The following AGMO variants were observed in gnomAD, a reference collection of about 807,000 sequenced individuals.
AGMO encodes glyceryl-ether monooxygenase.
A neutral mutation model predicts 60.2 loss-of-function variants in AGMO; 75 were observed. That is an observed-to-expected ratio of 1.25 (90% CI 1.03 to 1.51). The LOEUF (loss-of-function observed/expected upper bound fraction) is 1.51, where lower values mean the gene tolerates loss of function less well. Among genes scored for constraint, AGMO ranks in the 40% most tolerant of loss-of-function variants. The probability of loss-of-function intolerance (pLI) is 0.00; values close to 1 mark genes in which losing one functional copy is unlikely to be tolerated. For synonymous variants in AGMO, 261 were observed against 177.1 expected, an observed-to-expected ratio of 1.47 and a Z score of -3.76; for missense variants, 763 against 525.5, an observed-to-expected ratio of 1.45 and a Z score of -4.42.
chr7:15,363,204 G>C (rs1349184988), intron 12 of AGMO, among the ~76,000 whole-genome samples: 1 of 152,192 alleles, frequency 6.6e-6, no homozygotes, highest in Non-Finnish European at 1.5e-5. Flanking sequence ...AGAATTCATA[G>C]CACTGACTTT....
chr7:15,536,923 T>G (rs952641115), intron 3 of AGMO, among the ~76,000 whole-genome samples: 1 of 151,976 alleles, frequency 6.6e-6, no homozygotes, highest in Non-Finnish European at 1.5e-5. Flanking sequence ...ACTTTTTTTT[T>G]GGTCTAAAAT....
At chr7:15,551,113 A>C (rs926981873) in intron 2 of AGMO, among the ~76,000 whole-genome samples, 1 of 152,194 alleles carries the variant, frequency 6.6e-6, no homozygotes, top group Admixed American at 6.5e-5. Flanking sequence ...GACAAAATTC[A>C]ACAATCCTTC....
intron 4 of AGMO, among the ~76,000 whole-genome samples, chr7:15,425,149 G>T (rs992787912): frequency 6.6e-6 from 1 of 152,116 alleles, no homozygotes; most frequent in Non-Finnish European, 1.5e-5. Context: ...ATATTAAGAG[G>T]TCTATTTCAT....
intron 12 of AGMO, among the ~76,000 whole-genome samples, chr7:15,281,146 A>C (rs375024817): frequency 3.0e-4 from 46 of 152,166 alleles, no homozygotes; most frequent in African/African-American, 1.0e-3. Flanking sequence ...TGAGTCCCAG[A>C]ACTTTCCACA....
intron 3 of AGMO, among the ~76,000 whole-genome samples, chr7:15,514,195 G>A (rs1037884797): frequency 6.6e-6 from 1 of 152,078 alleles, no homozygotes; most frequent in Admixed American, 6.5e-5. Context: ...ATCAACTCCT[G>A]GCTTATAAAA....
At position 15,339,065 on chromosome 7, in the gene AGMO, C is replaced by T. The variant is rs146137902; in HGVS notation, c.1263+26449G>A. ...TAATTTCTCCAGGTTACTGTAGTAG[C>T]GGAACTGCAAGCTATGGAAACCACT... On this transcript the variant is annotated intron_variant, in intron 12 of 12. Coordinates refer to ENST00000342526, the MANE Select transcript of AGMO (RefSeq NM_001004320.2). Among the ~76,000 whole-genome samples, 614 of 152,206 alleles carry T rather than the reference C, an allele frequency of 4.0e-3. 7 individuals are homozygous for T. Among genetic ancestry groups the T allele is most frequent in the African/African-American group, 0.014 (571 of 41,524 alleles).
chr7:15,322,423 T>C (rs1193811326), intron 12 of AGMO, among the ~76,000 whole-genome samples: 6 of 132,756 alleles, frequency 4.5e-5, no homozygotes, highest in Admixed American at 1.8e-4. Context: ...AACATATATA[T>C]ACCTGTGTGT....
At chr7:15,220,306 G>C (rs1209685078) in intron 12 of AGMO, among the ~76,000 whole-genome samples, 1 of 142,784 alleles carries the variant, frequency 7.0e-6, no homozygotes, top group East Asian at 2.1e-4. Flanking sequence ...TGCAACCTCT[G>C]CCTCCTGGGT....
rs116909465 is a variant in AGMO, at chr7:15,343,053, G to T, written c.1263+22461C>A. Among the ~76,000 whole-genome samples the T allele has an allele frequency of 3.8e-3, 581 of 152,058 alleles. 2 individuals are homozygous for T. The highest frequency in any genetic ancestry group is 5.1e-3 in the Non-Finnish European group (347 of 67,978). ...TGAAAAGGTACCTAATATTATACAA[G>T]TGGAAAACCTTAAGAAAATTTATAC... On this transcript the variant is annotated intron_variant, in intron 12 of 12. Coordinates refer to ENST00000342526, the MANE Select transcript of AGMO (RefSeq NM_001004320.2).
intron 10 of AGMO, among the ~76,000 whole-genome samples, chr7:15,374,053 C>T (rs1191020984): frequency 2.0e-5 from 3 of 152,102 alleles, no homozygotes; most frequent in Non-Finnish European, 4.4e-5. Context: ...TGTGAGCTTG[C>T]GGATTTGTTA....
intron 3 of AGMO, among the ~76,000 whole-genome samples, chr7:15,442,184 T>C (rs1348760764): frequency 1.3e-5 from 2 of 152,216 alleles, no homozygotes; most frequent in Non-Finnish European, 2.9e-5. Flanking sequence ...TTAGCATTGT[T>C]AGTGGTCTTT....
intron 3 of AGMO, among the ~76,000 whole-genome samples, chr7:15,458,910 C>T (rs933291011): frequency 6.6e-6 from 1 of 152,116 alleles, no homozygotes; most frequent in African/African-American, 2.4e-5. Flanking sequence ...AAAACTTCAG[C>T]TTACATTAGT....
intron 5 of AGMO, among the ~76,000 whole-genome samples, chr7:15,395,621 G>A (rs1402823625): frequency 1.3e-5 from 2 of 151,944 alleles, no homozygotes; most frequent in East Asian, 3.8e-4. Flanking sequence ...AAAGAAAAAA[G>A]GACAACTGAT....
At position 15,387,523 on chromosome 7, in the gene AGMO, G is replaced by T; in HGVS notation, c.840C>A (p.Ser280=). Residue 280 remains serine (S), a synonymous_variant, in exon 9 of 13, where the codon TCC becomes TCA. Transcript: ENST00000342526. ...GTGTGGCCCAGAATGTAGTCCATAT[G>T]GAAAATAAGTGATGGAACTAGAAAC... The part of the protein sequence containing the change: ...PIKVQFHHLF[S]IWTTFWATPG... The T allele has an allele frequency of 6.2e-7, 1 of 1,609,500 alleles. No homozygotes were observed. Among genetic ancestry groups the T allele is most frequent in the Non-Finnish European group, 8.5e-7 (1 of 1,178,520 alleles).
At chr7:15,265,466 A>C (rs564984983) in intron 12 of AGMO, among the ~76,000 whole-genome samples, 1 of 152,154 alleles carries the variant, frequency 6.6e-6, no homozygotes, top group African/African-American at 2.4e-5. Flanking sequence ...AAAAGAACAG[A>C]ATAGACCAAA....
chr7:15,425,319 A>T (rs1781030512), intron 4 of AGMO, among the ~76,000 whole-genome samples: 1 of 152,140 alleles, frequency 6.6e-6, no homozygotes, highest in Non-Finnish European at 1.5e-5. Flanking sequence ...TATTATGCTC[A>T]AATATAATAA....
chr7:15,169,141 A>T, the AGMO span, among the ~76,000 whole-genome samples: 1 of 152,148 alleles, frequency 6.6e-6, no homozygotes, highest in African/African-American at 2.4e-5. Context: ...TCACTAAGGG[A>T]GGGAGACCGA....
chr7:15,137,081 T>C, the AGMO span, among the ~76,000 whole-genome samples: 1 of 152,322 alleles, frequency 6.6e-6, no homozygotes, highest in East Asian at 1.9e-4. Flanking sequence ...CATTCCGCAG[T>C]TGGTTGTGAA....
At chr7:15,373,711 T>A (rs963168711) in intron 10 of AGMO, among the ~76,000 whole-genome samples, 5 of 152,200 alleles carry the variant, frequency 3.3e-5, no homozygotes, top group African/African-American at 1.2e-4. Flanking sequence ...ATTCTTTTTT[T>A]AAACTTTATG....
Sources: gnomAD v4.1 joint callset for allele counts (sites outside exome capture counted in the v4.1 genomes callset) on GRCh38, gnomAD v4.1.1 for gene constraint, MANE v1.5 for transcripts, NCBI Gene and HGNC (gene_info 2026-07-23, HGNC 2026-07-21) for gene names.